DLG2: variants seen among roughly 807,000 people sequenced by gnomAD.
DLG2 encodes the protein disks large homolog 2.
Under a neutral mutation model 132.5 loss-of-function variants are expected in DLG2, and 45 were observed. That is an observed-to-expected ratio of 0.34 (90% CI 0.27 to 0.44). The LOEUF (loss-of-function observed/expected upper bound fraction) is 0.44, where lower values mean the gene tolerates loss of function less well. Ranked by LOEUF, DLG2 falls within the 20% of genes least tolerant of loss-of-function variation. DLG2 has a pLI of 1.00. For synonymous variants in DLG2, 424 were observed against 419.6 expected (o/e 1.01, Z -0.13); for missense variants, 1,045 against 1,196.9 (o/e 0.87, Z 1.87).
chr11:83,845,780 C>T (rs12419122), intron 16 of DLG2, among the ~76,000 whole-genome samples: 17,145 of 152,138 alleles, frequency 0.11, 1,337 homozygotes, highest in Non-Finnish European at 0.16. Context: ...TAGATCTAGG[C>T]TTGAATCATA....
chr11:85,212,919 A>C (rs1242902383), intron 4 of DLG2, among the ~76,000 whole-genome samples: 1 of 152,136 alleles, frequency 6.6e-6, no homozygotes, highest in African/African-American at 2.4e-5. Context: ...AACCAGATAA[A>C]AGTAAGATGA....
intron 11 of DLG2, among the ~76,000 whole-genome samples, chr11:84,029,318 A>G (rs1468593507): frequency 1.3e-5 from 2 of 152,136 alleles, no homozygotes; most frequent in Non-Finnish European, 2.9e-5. Flanking sequence ...CTTAATGTAA[A>G]TAAGATCAAT....
chr11:84,505,058 T>C (rs563000777), intron 7 of DLG2, among the ~76,000 whole-genome samples: 27 of 152,292 alleles, frequency 1.8e-4, no homozygotes, highest in African/African-American at 5.3e-4. Flanking sequence ...CTTGGATTCA[T>C]GAGAACTAGC....
rs2074520605 is a variant in DLG2, at chr11:85,122,948, AT to A, written c.283-11214del. Among the ~76,000 whole-genome samples, 5 of 54,440 alleles carry A rather than the reference AT, an allele frequency of 9.2e-5. 1 individual carries two copies. Among genetic ancestry groups the A allele is most frequent in the Non-Finnish European group, 1.3e-4 (4 of 31,222 alleles). The allele number at this position is 54,440 out of a possible 152,430, so 35.7% of individuals were successfully genotyped here. ...TGCATGTATGTGTGTCTGTATATAT[AT>A]TATATATATATATATATATATTTTT... On this transcript the variant is annotated intron_variant, in intron 5 of 27. Coordinates refer to ENST00000376104, the MANE Select transcript of DLG2 (RefSeq NM_001142699.3).
chr11:84,795,064 A>C (rs76138779), intron 6 of DLG2, among the ~76,000 whole-genome samples: 11,887 of 152,300 alleles, frequency 0.078, 595 homozygotes, highest in Middle Eastern at 0.12. Flanking sequence ...TTCCATGGAC[A>C]AGAGTGAAAA....
intron 5 of DLG2, among the ~76,000 whole-genome samples, chr11:85,137,417 A>G (rs1179079477): frequency 6.6e-6 from 1 of 152,038 alleles, no homozygotes; most frequent in African/African-American, 2.4e-5. Context: ...AACCTAGGTG[A>G]CCCCAACACA....
chr11:85,060,415 GTGTGTATATATA>G (rs1176603142), intron 6 of DLG2, among the ~76,000 whole-genome samples: 15 of 149,954 alleles, frequency 1.0e-4, no homozygotes, highest in Admixed American at 8.7e-4. Flanking sequence ...TTATATATGT[GTGTGTATATATA>G]TGTGTATATA....
At chr11:84,265,284 A>ACTTTTGGGTCAGGCACT (rs145044885) in intron 7 of DLG2, among the ~76,000 whole-genome samples, 7,530 of 152,238 alleles carry the variant, frequency 0.049, 285 homozygotes, top group Non-Finnish European at 0.076. Flanking sequence ...TACCAGGCAC[A>ACTTTTGGGTCAGGCACT]CTTTTGGGTC....
rs149784829 is a variant in DLG2, at chr11:85,160,586, A to G, written c.187-5935T>C. Among the ~76,000 whole-genome samples the G allele has an allele frequency of 3.5e-4, 53 of 152,254 alleles. No individual in the cohort carries two copies. The East Asian group carries it at 9.3e-3, about 27-fold the overall frequency. On this transcript the variant is annotated intron_variant, in intron 4 of 27. Transcript: ENST00000376104. ...TGCTTTCTGACCCATCTAGTCACAGAGTGGGTCATGCACAGCAGCATTCCA... is the reference window on the plus strand; with the variant it reads ...TGCTTTCTGACCCATCTAGTCACAGGGTGGGTCATGCACAGCAGCATTCCA...
At chr11:84,278,748 T>C (rs2097816901) in intron 7 of DLG2, among the ~76,000 whole-genome samples, 2 of 152,176 alleles carry the variant, frequency 1.3e-5, no homozygotes, top group Non-Finnish European at 2.9e-5. Flanking sequence ...TATTCATATG[T>C]TGAACACCTC....
intron 10 of DLG2, among the ~76,000 whole-genome samples, chr11:84,071,748 T>A (rs182442606): frequency 6.6e-6 from 1 of 152,334 alleles, no homozygotes; most frequent in East Asian, 1.9e-4. Flanking sequence ...CTCCATTGTC[T>A]ACATTTAAAA....
chr11:84,593,563 C>G (rs1395504490), intron 6 of DLG2, among the ~76,000 whole-genome samples: 6 of 152,106 alleles, frequency 3.9e-5, no homozygotes, highest in African/African-American at 1.2e-4. Flanking sequence ...AACCAAACAC[C>G]ACATGTTCTC....
At chr11:84,659,977 T>C (rs974731666) in intron 6 of DLG2, among the ~76,000 whole-genome samples, 3 of 152,102 alleles carry the variant, frequency 2.0e-5, no homozygotes, top group African/African-American at 7.2e-5. Context: ...CATGAGCACA[T>C]TACTCTCCTG....
intron 6 of DLG2, among the ~76,000 whole-genome samples, chr11:85,048,035 T>C (rs2062522728): frequency 6.6e-6 from 1 of 151,952 alleles, no homozygotes; most frequent in South Asian, 2.1e-4. Context: ...TTCCTAATAG[T>C]CTACTAATTT....
At chr11:83,753,748 T>A (rs932028871) in intron 18 of DLG2, among the ~76,000 whole-genome samples, 2 of 138,700 alleles carry the variant, frequency 1.4e-5, no homozygotes. Flanking sequence ...ATATATATAT[T>A]TCATATATGT....
At chr11:84,532,953 G>A (rs891558493) in intron 7 of DLG2, among the ~76,000 whole-genome samples, 2 of 152,150 alleles carry the variant, frequency 1.3e-5, no homozygotes, top group Admixed American at 1.3e-4. Context: ...AAATATTAAA[G>A]AGTACTGTCT....
intron 21 of DLG2, among the ~76,000 whole-genome samples, chr11:83,515,127 G>A (rs1451205848): frequency 2.0e-5 from 3 of 152,128 alleles, no homozygotes; most frequent in Non-Finnish European, 4.4e-5. Context: ...TGTACCTCTG[G>A]TAGAATTCGG....
chr11:85,558,333 G>A (rs1043337875), intron 3 of DLG2, among the ~76,000 whole-genome samples: 1 of 151,902 alleles, frequency 6.6e-6, no homozygotes, highest in African/African-American at 2.4e-5. Flanking sequence ...GGAGAAAAGG[G>A]AATGCTTATA....
intron 3 of DLG2, among the ~76,000 whole-genome samples, chr11:85,373,847 G>C (rs2085185141): frequency 6.6e-6 from 1 of 152,162 alleles, no homozygotes; most frequent in African/African-American, 2.4e-5. Flanking sequence ...GCAACATAAT[G>C]ACTGGTCAAT....
Sources: allele counts gnomAD v4.1 joint callset (sites outside exome capture counted in the v4.1 genomes callset), GRCh38; gene constraint gnomAD v4.1.1; transcripts MANE v1.5; gene names NCBI Gene and HGNC (gene_info 2026-07-23, HGNC 2026-07-21).